The following ATP8A1 variants were observed in gnomAD, a reference collection of about 807,000 sequenced individuals.
The protein encoded by ATP8A1 is ATPase phospholipid transporting 8A1.
Under a neutral mutation model 177.7 loss-of-function variants are expected in ATP8A1, and 90 were observed. The ratio of observed to expected loss-of-function variants is 0.51; its 90% CI spans 0.43 to 0.60. ATP8A1 has a LOEUF of 0.60. Ranked by LOEUF, ATP8A1 falls within the 20% of genes least tolerant of loss-of-function variation. ATP8A1 has a pLI of 0.00. For missense variants in ATP8A1, 1,072 were observed against 1,392.8 expected (o/e 0.77, Z 3.67); for synonymous variants, 493 against 485.9 (o/e 1.01, Z -0.19).
intron 25 of ATP8A1, among the ~76,000 whole-genome samples, chr4:42,465,280 C>T (rs927898944): frequency 6.6e-6 from 1 of 152,202 alleles, no homozygotes; most frequent in African/African-American, 2.4e-5. Context: ...TAAAAACAAG[C>T]CTCAGAGGCA....
rs1166386478 is a variant in ATP8A1 at position 42,410,697 on chromosome 4, T to A, written c.*2219A>T. 1 of 152,204 alleles carries A rather than the reference T, an allele frequency of 6.6e-6. No individual in the cohort carries two copies. Among genetic ancestry groups the A allele is most frequent in the African/African-American group, 2.4e-5 (1 of 41,446 alleles). The allele number at this position is 152,204 out of a possible 1,614,324, so 9.4% of individuals were successfully genotyped here. A position where few individuals can be genotyped will look rare whatever the true frequency, so the allele number is the denominator to read the frequency against. ...GTCACATTTCAGATCATGTTACACA[T>A]TATCAACCGTAAGTATTCTTCTCAT... On this transcript the variant is annotated 3_prime_UTR_variant, in exon 37 of 37. Coordinates refer to ENST00000381668, the MANE Select transcript of ATP8A1 (RefSeq NM_006095.2).
intron 29 of ATP8A1, among the ~76,000 whole-genome samples, chr4:42,452,520 C>T (rs1473758672): frequency 6.6e-6 from 1 of 152,074 alleles, no homozygotes; most frequent in African/African-American, 2.4e-5. Flanking sequence ...TAAAGATACT[C>T]TATACTATTC....
intron 1 of ATP8A1, among the ~76,000 whole-genome samples, chr4:42,636,154 A>ACGCGCGCGTGCGCG (rs765930469): frequency 1.1e-4 from 5 of 47,614 alleles, no homozygotes; most frequent in Non-Finnish European, 1.4e-4. Flanking sequence ...ACACACACAC[A>ACGCGCGCGTGCGCG]CACGCACACA....
intron 5 of ATP8A1, among the ~76,000 whole-genome samples, chr4:42,614,830 C>T (rs554122205): frequency 6.6e-6 from 1 of 152,136 alleles, no homozygotes; most frequent in Non-Finnish European, 1.5e-5. Context: ...TCCTCCTTTC[C>T]CACTCAACCC....
At position 42,435,426 on chromosome 4, in the gene ATP8A1, C is replaced by CAAAAAA. The variant is rs55945370; in HGVS notation, c.3123+8133_3123+8138dup. On this transcript the variant is annotated intron_variant, in intron 33 of 36. Coordinates refer to ENST00000381668, the MANE Select transcript of ATP8A1 (RefSeq NM_006095.2). ...GGGGGACAAGAGCGAGACTTCATCT[C>CAAAAAA]AAAAAAAAAAAAAAAAAAAAAAACA... 3.4e-3 allele frequency among the ~76,000 whole-genome samples: 317 copies of CAAAAAA among 93,864 alleles called. 13 individuals carry two copies. The highest frequency in any genetic ancestry group is 7.2e-3 in the African/African-American group (193 of 26,632). The allele number at this position is 93,864 out of a possible 152,430, so 61.6% of individuals were successfully genotyped here.
rs1724572335 is a variant in ATP8A1 at position 42,507,790 on chromosome 4, A to AC, written c.1948-637_1948-636insG. On this transcript the variant is annotated intron_variant, in intron 22 of 36. Coordinates refer to ENST00000381668, the MANE Select transcript of ATP8A1 (RefSeq NM_006095.2). ...AAAGGACAGGCATTCTAAAAAAAAA[A>AC]AAAAAAAAAAAAAAAAAAACATACA... Among the ~76,000 whole-genome samples the AC allele has an allele frequency of 2.5e-4, 33 of 133,480 alleles. 2 individuals carry two copies. In the South Asian group the frequency reaches 4.3e-3, roughly 17 times the overall value. 87.6% of individuals were successfully genotyped at this position (133,480 alleles called of 152,430 possible).
intron 17 of ATP8A1, 115 bp downstream of exon 17, chr4:42,552,390 A>T: frequency 1.3e-6 from 1 of 792,626 alleles, no homozygotes; most frequent in South Asian, 1.7e-5. Flanking sequence ...TAATTGGTAA[A>T]TAAAAATTTT....
chr4:42,415,526 T>A lies in ATP8A1; in HGVS notation c.3306-808A>T, dbSNP rs188015340. 8.2e-4 allele frequency among the ~76,000 whole-genome samples: 125 copies of A among 152,308 alleles called. No individual in the cohort carries two copies. The Middle Eastern group carries it at 0.024, about 29-fold the overall frequency. On this transcript the variant is annotated intron_variant, in intron 35 of 36. Coordinates refer to ENST00000381668, the MANE Select transcript of ATP8A1 (RefSeq NM_006095.2). ...TTGAATACGTGAAGTTGAGTAATAA[T>A]TCTGAAATGTACTTATAGACATCAT...
intron 1 of ATP8A1, among the ~76,000 whole-genome samples, chr4:42,646,380 T>C (rs1311322699): frequency 6.6e-6 from 1 of 152,174 alleles, no homozygotes. Context: ...TCTTCAAATG[T>C]TGACGTTAAA....
At position 42,524,841 on chromosome 4, in the gene ATP8A1, C is replaced by T. The variant is rs755530942; in HGVS notation, c.1729G>A (p.Val577Ile). Residue 577 changes from valine to isoleucine, a missense_variant, in exon 21 of 37, where the codon GTA becomes ATA. This residue lies in a region of ATP8A1 where 388 missense variants were observed against 471.7 expected (regional missense o/e 0.82). Transcript: ENST00000381668. The stretch of plus-strand genomic sequence containing the variant: ...GTCTCTGCCAGTCGATCATAAATTA[C>T]AGTGTCCTGGAAAACAAACAGAGGG... ...LRLYCKGADT[V>I]IYDRLAETSK... The T allele has an allele frequency of 1.9e-6, 3 of 1,605,516 alleles. No individual in the cohort carries two copies. The highest frequency in any genetic ancestry group is 1.1e-5 in the South Asian group (1 of 90,148).
intron 25 of ATP8A1, chr4:42,471,907 A>C: frequency 1.6e-6 from 1 of 642,844 alleles, no homozygotes; most frequent in South Asian, 1.4e-5. Context: ...GCTGGAGATA[A>C]ACTCGGACCT....
intron 33 of ATP8A1, among the ~76,000 whole-genome samples, chr4:42,425,706 G>A (rs575478191): frequency 1.2e-3 from 179 of 151,764 alleles, no homozygotes; most frequent in African/African-American, 4.2e-3. Flanking sequence ...AAGGCGAAGG[G>A]ATCCTGAGAC....
chr4:42,551,150 C>A (rs1729460432), intron 18 of ATP8A1, 48 bp downstream of exon 18: 8 of 1,454,178 alleles, frequency 5.5e-6, no homozygotes, highest in Non-Finnish European at 7.7e-6. Flanking sequence ...TGAAGCTATG[C>A]AAATGTATTA....
rs777460473 is a variant in ATP8A1, at chr4:42,578,399, G to C, written c.1001-12C>G. On this transcript the variant is annotated splice_polypyrimidine_tract_variant and intron_variant, in intron 11 of 36. Transcript: ENST00000381668. The stretch of plus-strand genomic sequence containing the variant: ...ACTAGCGCCACCATCTGTTGGGAGA[G>C]GCAGGAAGAACGTCATTTACAGTTT... The C allele has an allele frequency of 6.2e-7, 1 of 1,604,366 alleles. No individual in the cohort carries two copies.
At chr4:42,537,226 T>A (rs1324051856) in intron 20 of ATP8A1, among the ~76,000 whole-genome samples, 2 of 151,014 alleles carry the variant, frequency 1.3e-5, no homozygotes, top group South Asian at 4.2e-4. Flanking sequence ...CATCCCTTTA[T>A]GATTAAAACC....
rs974861007 is a variant in ATP8A1 at position 42,411,396 on chromosome 4, A to C, written c.*1520T>G. On this transcript the variant is annotated 3_prime_UTR_variant, in exon 37 of 37. Transcript: ENST00000381668. ...TTCTAGTTGACTTTTTTTAAAAGAG[A>C]AAGTTCTACCTATTTTGCTGGTAAG... 6.6e-6 allele frequency: 1 copy of C among 152,220 alleles called. No individual in the cohort carries two copies. The highest frequency in any genetic ancestry group is 1.5e-5 in the Non-Finnish European group (1 of 68,048). The allele number at this position is 152,220 out of a possible 1,614,324, so 9.4% of individuals were successfully genotyped here. A position where few individuals can be genotyped will look rare whatever the true frequency, so the allele number is the denominator to read the frequency against.
intron 1 of ATP8A1, among the ~76,000 whole-genome samples, chr4:42,637,833 T>G (rs1203649885): frequency 6.6e-6 from 1 of 152,236 alleles, no homozygotes; most frequent in African/African-American, 2.4e-5. Flanking sequence ...TGGATGCTAC[T>G]TAAGTGTCAA....
intron 15 of ATP8A1, among the ~76,000 whole-genome samples, chr4:42,560,680 A>G (rs1730726266): frequency 6.6e-6 from 1 of 151,882 alleles, no homozygotes; most frequent in Non-Finnish European, 1.5e-5. Context: ...CGAATTCTTT[A>G]ACATTCCAAA....
At chr4:42,512,180 C>A (rs980248721) in intron 22 of ATP8A1, among the ~76,000 whole-genome samples, 1 of 152,014 alleles carries the variant, frequency 6.6e-6, no homozygotes, top group African/African-American at 2.4e-5. Context: ...AAGCTATGAC[C>A]GTAAGGACAA....
Sources: allele counts gnomAD v4.1 joint callset (sites outside exome capture counted in the v4.1 genomes callset), GRCh38; gene constraint gnomAD v4.1.1; regional missense constraint gnomAD v4.1.1; transcripts MANE v1.5; gene names NCBI Gene and HGNC (gene_info 2026-07-23, HGNC 2026-07-21).